Variants in RP1L1 observed in about 807,000 individuals in gnomAD.
RP1L1 encodes retinitis pigmentosa 1-like 1 protein.
RP1L1 carries 27 observed loss-of-function variants against 15.7 expected under a neutral mutation model. The ratio of observed to expected loss-of-function variants is 1.72; its 90% CI spans 1.27 to 2.38. The LOEUF (loss-of-function observed/expected upper bound fraction) is 2.38. Ranked by LOEUF, RP1L1 falls within the 30% of genes most tolerant of loss-of-function variation. The pLI, the probability that RP1L1 is intolerant of heterozygous loss-of-function variation, is 0.00. For missense variants in RP1L1, 4,798 were observed against 3,075.9 expected, an observed-to-expected ratio of 1.56 and a Z score of -13.24; for synonymous variants, 1,813 against 1,276.7, an observed-to-expected ratio of 1.42 and a Z score of -8.96.
rs868466461 is a variant in RP1L1 at position 10,613,268 on chromosome 8, C to T, written c.830G>A (p.Arg277Lys). Residue 277 changes from arginine (R) to lysine (K), a missense_variant, in exon 4 of 4, where the codon AGG becomes AAG. By Grantham distance (26) the Arg-to-Lys change is conservative. Transcript: ENST00000382483. ...CACCGGGGGGTTGCTAGGACCAGGC[C>T]TTTCTGGCAGCCGTGGCGTGCTGCC... ...PPGSTPRLPE[R>K]PGPSNPPVGP... is the part of the protein sequence containing the mutation. 1.9e-6 allele frequency: 3 copies of T among 1,609,684 alleles called. No homozygotes were observed. The highest frequency in any genetic ancestry group is 1.7e-5 in the Admixed American group (1 of 60,032).
intron 1 of RP1L1, among the ~76,000 whole-genome samples, chr8:10,646,960 G>A (rs781766659): frequency 2.6e-5 from 4 of 152,144 alleles, no homozygotes; most frequent in Admixed American, 6.5e-5. Flanking sequence ...CTTGGGGGTC[G>A]CTCCAGTGGA....
Position 10,622,719 on chromosome 8 carries a change from G to A in RP1L1, c.483C>T (p.Asp161=), listed in dbSNP as rs1203817568. 6.2e-7 allele frequency: 1 copy of A among 1,614,156 alleles called. No individual in the cohort carries two copies. The highest frequency in any genetic ancestry group is 8.5e-7 in the Non-Finnish European group (1 of 1,180,044). Residue 161 remains aspartate (D), a synonymous_variant, in exon 2 of 4, where the codon GAC becomes GAT. Transcript: ENST00000382483. ...PRRILLIKNM[D]PRLQQTVVLS... ...GAACCACTGTCTGCTGGAGGCGAGG[G>A]TCCATGTTCTTAATCAGCAGTATCC...
chr8:10,643,957 G>A (rs1263768896), intron 1 of RP1L1, among the ~76,000 whole-genome samples: 1 of 151,942 alleles, frequency 6.6e-6, no homozygotes, highest in East Asian at 1.9e-4. Context: ...ACATGGCCAG[G>A]TTGGTGGAAG....
At position 10,612,133 on chromosome 8, in the gene RP1L1, G is replaced by A; in HGVS notation, c.1965C>T (p.Gly655=). Residue 655 remains glycine (G), a synonymous_variant, in exon 4 of 4, where the codon GGC becomes GGT. Transcript: ENST00000382483. ...GGCCTCTCGGGGCCACTCGGCCAAG[G>A]CCAGGGCTGCTGGGTGAGGACATTG... ...ASAMSSPSSP[G]LGRVAPRGHP... is the part of the protein sequence containing the mutation. 2 of 1,613,636 alleles carry A rather than the reference G, an allele frequency of 1.2e-6. No individual in the cohort carries two copies. The highest frequency in any genetic ancestry group is 1.7e-6 in the Non-Finnish European group (2 of 1,180,040).
intron 3 of RP1L1, among the ~76,000 whole-genome samples, chr8:10,613,783 A>G (rs1797921284): frequency 6.6e-6 from 1 of 151,596 alleles, no homozygotes. Context: ...GAGCAAGACC[A>G]TTAAAAAAAG....
At position 10,612,476 on chromosome 8, in the gene RP1L1, G is replaced by A. The variant is rs1797882258; in HGVS notation, c.1622C>T (p.Ser541Phe). The A allele has an allele frequency of 6.2e-7, 1 of 1,612,526 alleles. No homozygotes were observed. Among genetic ancestry groups the A allele is most frequent in the South Asian group, 1.1e-5 (1 of 91,080 alleles). The change falls in exon 4 of 4, where the codon TCT (serine) becomes TTT (phenylalanine). Residue 541 changes from serine (S) to phenylalanine (F), a missense_variant. Ser to Phe is a radical substitution (Grantham distance 155, BLOSUM62 -2). Coordinates refer to ENST00000382483, the MANE Select transcript of RP1L1 (RefSeq NM_178857.6). ...ASSDSSASTG[S>F]HEGSSEWGGR... ...ACCCCATTCGCTGGATCCCTCATGA[G>A]AGCCGGTGCTGGCTGACGAGTCCGA... is the stretch of plus-strand genomic sequence containing the variant.
chr8:10,620,121 C>A (rs1402708579), intron 2 of RP1L1, among the ~76,000 whole-genome samples: 1 of 152,202 alleles, frequency 6.6e-6, no homozygotes, highest in Non-Finnish European at 1.5e-5. Flanking sequence ...CCTGTGACCT[C>A]ACTGCAAACA....
At chr8:10,618,121 C>G (rs548254224) in intron 2 of RP1L1, among the ~76,000 whole-genome samples, 1 of 152,298 alleles carries the variant, frequency 6.6e-6, no homozygotes, top group African/African-American at 2.4e-5. Context: ...TTGATGTTGG[C>G]TCTCTCATTG....
In RP1L1 at chr8:10,608,739, A is replaced by G. The variant is rs577927243; in HGVS notation, c.5359T>C (p.Leu1787=). The G allele has an allele frequency of 8.1e-6, 13 of 1,613,148 alleles. No individual in the cohort carries two copies. The highest frequency in any genetic ancestry group is 2.2e-5 in the East Asian group (1 of 44,834). The change falls in exon 4 of 4, where the codon TTG becomes CTG. Residue 1787 remains leucine (L), a synonymous_variant. Coordinates refer to ENST00000382483, the MANE Select transcript of RP1L1 (RefSeq NM_178857.6). ...TCTCCCTCCTGCTCAGCTTCCCCCA[A>G]CTCACTGCCCGCACTGGTTTCACTG... ...HNSETSAGSE[L]GEAEQEGEGI... is the part of the protein sequence containing the mutation.
At chr8:10,629,599 A>G (rs1798209964) in intron 1 of RP1L1, among the ~76,000 whole-genome samples, 1 of 152,188 alleles carries the variant, frequency 6.6e-6, no homozygotes, top group Non-Finnish European at 1.5e-5. Context: ...AAATGCAATC[A>G]ACAATTGCAT....
intron 2 of RP1L1, among the ~76,000 whole-genome samples, chr8:10,618,524 A>C (rs184486280): frequency 2.0e-5 from 3 of 152,076 alleles, no homozygotes; most frequent in East Asian, 3.9e-4. Flanking sequence ...AAGAGCAAAC[A>C]AACAAACAAA....
At chr8:10,630,431 A>C (rs893969498) in intron 1 of RP1L1, among the ~76,000 whole-genome samples, 1 of 152,150 alleles carries the variant, frequency 6.6e-6, no homozygotes, top group Non-Finnish European at 1.5e-5. Context: ...CAGAGATGTC[A>C]CTCTCAGCCA....
rs1204880807 is a variant in RP1L1, at chr8:10,611,385, A to C, written c.2713T>G (p.Ser905Ala). The C allele has an allele frequency of 6.2e-7, 1 of 1,607,458 alleles. No homozygotes were observed. Among genetic ancestry groups the C allele is most frequent in the Admixed American group, 1.7e-5 (1 of 59,452 alleles). Residue 905 changes from serine to alanine, a missense_variant, in exon 4 of 4, where the codon TCA (serine) becomes GCA (alanine). By Grantham distance (99) the Ser-to-Ala change is moderately conservative. Coordinates refer to ENST00000382483, the MANE Select transcript of RP1L1 (RefSeq NM_178857.6). ...PGPTPSPGPN[S>A]GASRRSSASQ... is the part of the protein sequence containing the mutation. Reference sequence around the variant, plus strand: ...GCACTGCTTCTCCTTGATGCCCCTGAATTGGGGCCTGGGGACGGCGTGGGG... The same window carrying C: ...GCACTGCTTCTCCTTGATGCCCCTGCATTGGGGCCTGGGGACGGCGTGGGG...
chr8:10,606,451 A>T lies in RP1L1; in HGVS notation c.*444T>A, dbSNP rs530449457. ...ATATATTCAAGACTAGAAAAAAAGC[A>T]CCTCAAAGTCAAATGAGGTGAGTGC... is the stretch of plus-strand genomic sequence containing the variant. On this transcript the variant is annotated 3_prime_UTR_variant, in exon 4 of 4. Transcript: ENST00000382483. 3.2e-3 allele frequency: 538 copies of T among 170,632 alleles called. 2 individuals are homozygous for T. The highest frequency in any genetic ancestry group is 0.012 in the African/African-American group (499 of 41,826). 10.6% of individuals were successfully genotyped at this position (170,632 alleles called of 1,614,324 possible).
intron 1 of RP1L1, among the ~76,000 whole-genome samples, chr8:10,625,357 C>G (rs576576280): frequency 6.6e-6 from 1 of 152,126 alleles, no homozygotes; most frequent in Non-Finnish European, 1.5e-5. Context: ...TCACCTGGGG[C>G]GTGAGTCCAG....
intron 1 of RP1L1, among the ~76,000 whole-genome samples, chr8:10,644,859 C>T (rs1017873007): frequency 5.9e-5 from 9 of 152,218 alleles, no homozygotes; most frequent in Admixed American, 5.9e-4. Flanking sequence ...CCACATTTTA[C>T]AACTCTGCAC....
intron 1 of RP1L1, among the ~76,000 whole-genome samples, chr8:10,637,473 C>T (rs1451221105): frequency 6.6e-6 from 1 of 152,128 alleles, no homozygotes; most frequent in Non-Finnish European, 1.5e-5. Flanking sequence ...AAGCCGGCCA[C>T]GGTGGCATAT....
intron 1 of RP1L1, among the ~76,000 whole-genome samples, chr8:10,634,474 G>C (rs909029015): frequency 6.6e-6 from 1 of 152,158 alleles, no homozygotes. Flanking sequence ...TCAACACAAA[G>C]AATGCAAAAC....
At chr8:10,641,085 CATAAA>C (rs914702917) in intron 1 of RP1L1, among the ~76,000 whole-genome samples, 1 of 152,178 alleles carries the variant, frequency 6.6e-6, no homozygotes, top group Non-Finnish European at 1.5e-5. Context: ...AACATTAACT[CATAAA>C]ATAAAATACG....
Sources: allele counts gnomAD v4.1 joint callset (sites outside exome capture counted in the v4.1 genomes callset), GRCh38; gene constraint gnomAD v4.1.1; transcripts MANE v1.5; gene names NCBI Gene and HGNC (gene_info 2026-07-23, HGNC 2026-07-21).